The following NRXN1 variants were observed in gnomAD, a reference collection of about 807,000 sequenced individuals.
The protein encoded by NRXN1 is neurexin-1.
NRXN1 carries 39 observed loss-of-function variants against 150.9 expected under a neutral mutation model. The observed-to-expected ratio is 0.26, with a 90% CI of 0.20 to 0.34. The LOEUF (loss-of-function observed/expected upper bound fraction) is 0.34, where lower values mean the gene tolerates loss of function less well. Ranked by LOEUF, NRXN1 falls within the 10% of genes least tolerant of loss-of-function variation. The pLI is 1.00. For synonymous variants in NRXN1, 924 were observed against 757.0 expected (o/e 1.22, Z -3.62); for missense variants, 1,815 against 1,949.9 (o/e 0.93, Z 1.30).
At chr2:50,223,922 A>G (rs1042640360) in intron 18 of NRXN1, among the ~76,000 whole-genome samples, 2 of 152,088 alleles carry the variant, frequency 1.3e-5, no homozygotes, top group East Asian at 1.9e-4. Flanking sequence ...TTCATCACAC[A>G]TAAGGCCAAT....
At chr2:50,200,423 C>A (rs1023761530) in intron 18 of NRXN1, among the ~76,000 whole-genome samples, 1 of 152,084 alleles carries the variant, frequency 6.6e-6, no homozygotes, top group Non-Finnish European at 1.5e-5. Flanking sequence ...AGATACTAGT[C>A]TTGACCTAAA....
In NRXN1 at chr2:49,921,889, G is replaced by T; in HGVS notation, c.*55C>A. The T allele has an allele frequency of 1.3e-6, 2 of 1,541,458 alleles. No individual in the cohort carries two copies. Among genetic ancestry groups the T allele is most frequent in the Non-Finnish European group, 9.0e-7 (1 of 1,116,906 alleles). ...AGGAAAGTAAATAAGTTTATATTAT[G>T]TCTCAGATAAAATGAAGACTATTTC... On this transcript the variant is annotated 3_prime_UTR_variant, in exon 23 of 23. Coordinates refer to ENST00000401669, the MANE Select transcript of NRXN1 (RefSeq NM_001330078.2).
At chr2:50,845,887 A>T (rs745831478) in intron 5 of NRXN1, among the ~76,000 whole-genome samples, 1 of 152,224 alleles carries the variant, frequency 6.6e-6, no homozygotes, top group African/African-American at 2.4e-5. Flanking sequence ...TTTATGTGAA[A>T]GCTCACTTTG....
intron 2 of NRXN1, among the ~76,000 whole-genome samples, chr2:50,979,837 C>A (rs995879578): frequency 1.3e-5 from 2 of 152,124 alleles, no homozygotes; most frequent in African/African-American, 4.8e-5. Flanking sequence ...CCTTTAATAT[C>A]TATTTTCCTG....
intron 5 of NRXN1, among the ~76,000 whole-genome samples, chr2:50,771,142 G>A (rs962496922): frequency 6.6e-6 from 1 of 152,050 alleles, no homozygotes; most frequent in East Asian, 1.9e-4. Context: ...TTGTACTGAA[G>A]AGAGTGCCTG....
chr2:50,187,909 T>C (rs1317336792), intron 18 of NRXN1, among the ~76,000 whole-genome samples: 4 of 152,166 alleles, frequency 2.6e-5, no homozygotes, highest in South Asian at 2.1e-4. Context: ...ATTAGAATGC[T>C]TGTGATTTTT....
At chr2:50,087,476 T>G (rs2152692211) in intron 19 of NRXN1, among the ~76,000 whole-genome samples, 1 of 152,234 alleles carries the variant, frequency 6.6e-6, no homozygotes, top group Non-Finnish European at 1.5e-5. Context: ...GATGTTAGGC[T>G]TTGTGAATTA....
chr2:50,427,248 A>G (rs2084567726), intron 17 of NRXN1, among the ~76,000 whole-genome samples: 1 of 152,186 alleles, frequency 6.6e-6, no homozygotes. Context: ...GTAAATACAT[A>G]AAGTTGTGCA....
At chr2:50,525,002 A>T (rs1041981015) in intron 12 of NRXN1, among the ~76,000 whole-genome samples, 2 of 152,338 alleles carry the variant, frequency 1.3e-5, no homozygotes, top group South Asian at 4.1e-4. Flanking sequence ...TTTGGCAGAT[A>T]TAAAGAATGC....
chr2:50,539,557 A>T (rs1240987050), intron 9 of NRXN1, among the ~76,000 whole-genome samples: 1 of 152,210 alleles, frequency 6.6e-6, no homozygotes, highest in Admixed American at 6.5e-5. Context: ...CATATTCCTG[A>T]TCAAAACGTG....
intron 18 of NRXN1, among the ~76,000 whole-genome samples, chr2:50,219,372 A>AG (rs1012327220): frequency 1.3e-5 from 2 of 149,352 alleles, no homozygotes; most frequent in African/African-American, 5.0e-5. Context: ...AAAAAAAAAA[A>AG]GAGCTCTTAG....
chr2:50,184,899 G>T (rs1173409148), intron 18 of NRXN1, among the ~76,000 whole-genome samples: 4 of 152,092 alleles, frequency 2.6e-5, no homozygotes, highest in African/African-American at 9.7e-5. Flanking sequence ...AGGTCCCATA[G>T]CTAGTAAGTG....
chr2:50,212,668 G>A (rs1017270816), intron 18 of NRXN1, among the ~76,000 whole-genome samples: 1 of 151,820 alleles, frequency 6.6e-6, no homozygotes, highest in Non-Finnish European at 1.5e-5. Flanking sequence ...AGGCAGAGGA[G>A]GAGCATTCTT....
chr2:50,240,253 T>TTCCAAACATTGCCATTATTTCTAGA (rs1559152541), intron 17 of NRXN1, among the ~76,000 whole-genome samples: 2 of 151,564 alleles, frequency 1.3e-5, no homozygotes, highest in East Asian at 3.9e-4. Flanking sequence ...TTATTTCTAG[T>TTCCAAACATTGCCATTATTTCTAGA]TTCCTTTTTT....
At chr2:51,031,261 A>C (rs2105355361) in intron 1 of NRXN1, among the ~76,000 whole-genome samples, 1 of 152,236 alleles carries the variant, frequency 6.6e-6, no homozygotes, top group South Asian at 2.1e-4. Context: ...CAAAAGAAGA[A>C]GCGCTCTAAT....
chr2:50,135,517 C>A (rs1309524568), intron 18 of NRXN1, among the ~76,000 whole-genome samples: 1 of 151,960 alleles, frequency 6.6e-6, no homozygotes, highest in South Asian at 2.1e-4. Context: ...ACAGTGAAAC[C>A]CATCTCTACT....
intron 17 of NRXN1, among the ~76,000 whole-genome samples, chr2:50,394,061 T>G (rs2081908462): frequency 1.3e-5 from 2 of 152,252 alleles, no homozygotes; most frequent in Non-Finnish European, 1.5e-5. Context: ...TCTATTTTTC[T>G]TAGCTTGCTG....
At position 50,154,545 on chromosome 2, in the gene NRXN1, G is replaced by A. The variant is rs78756937; in HGVS notation, c.3547-63051C>T. 2.0e-3 allele frequency among the ~76,000 whole-genome samples: 303 copies of A among 151,706 alleles called. 1 individual carries two copies. The highest frequency in any genetic ancestry group is 7.1e-3 in the African/African-American group (295 of 41,496). ...ACCATCTATTGTTAAAAAAAGGACA[G>A]TTCTAAAGATCAGAGGTCAACTGTG... On this transcript the variant is annotated intron_variant, in intron 18 of 22. Coordinates refer to ENST00000401669, the MANE Select transcript of NRXN1 (RefSeq NM_001330078.2).
intron 21 of NRXN1, among the ~76,000 whole-genome samples, chr2:50,035,126 A>G (rs1340652737): frequency 6.6e-6 from 1 of 152,164 alleles, no homozygotes; most frequent in Non-Finnish European, 1.5e-5. Context: ...ATATAACCTG[A>G]TTATTTGAAG....
Sources: allele counts gnomAD v4.1 joint callset (sites outside exome capture counted in the v4.1 genomes callset), GRCh38; gene constraint gnomAD v4.1.1; transcripts MANE v1.5; gene names NCBI Gene and HGNC (gene_info 2026-07-23, HGNC 2026-07-21).